DDX3X: variants seen among roughly 807,000 people sequenced by gnomAD.
The protein encoded by DDX3X is ATP-dependent RNA helicase DDX3X.
DDX3X carries 4 observed loss-of-function variants against 52.7 expected under a neutral mutation model. That is an observed-to-expected ratio of 0.08 (90% CI 0.04 to 0.17). DDX3X has a LOEUF of 0.17. DDX3X is among the 10% of genes least tolerant of loss of function. The pLI is 1.00. For synonymous variants in DDX3X, 192 were observed against 178.1 expected, an observed-to-expected ratio of 1.08 and a Z score of -0.62; for missense variants, 222 against 548.6, an observed-to-expected ratio of 0.40 and a Z score of 5.95.
chrX:41,334,509 G>C (rs1050896043), intron 1 of DDX3X: 13 of 1,096,542 alleles, frequency 1.2e-5, no homozygotes, highest in Non-Finnish European at 1.4e-5. Flanking sequence ...ATTGTCCCCG[G>C]GACGAGCACA....
intron 3 of DDX3X, chrX:41,340,196 A>ACC (rs60494901): frequency 8.9e-6 from 1 of 112,383 alleles, no homozygotes; most frequent in African/African-American, 3.2e-5. Context: ...GGCGTGAGCC[A>ACC]CCATGCCTGG....
At chrX:41,334,152 G>A (rs1211078953), upstream of DDX3X, 4 of 879,860 alleles carry the variant, frequency 4.5e-6, no homozygotes, top group South Asian at 2.3e-5. Context: ...GTGGCCGCGC[G>A]GTGCGCTCCA....
rs1355677530 is a variant in DDX3X, at chrX:41,348,747, A to G, written c.*1028A>G. 1.8e-5 allele frequency: 2 copies of G among 112,180 alleles called. No homozygotes were observed. Among genetic ancestry groups the G allele is most frequent in the Non-Finnish European group, 3.8e-5 (2 of 53,191 alleles). 9.2% of individuals were successfully genotyped at this position (112,180 alleles called of 1,213,427 possible). On this transcript the variant is annotated 3_prime_UTR_variant, in exon 17 of 17. Transcript: ENST00000644876. ...AAGAGGGTATGAACAGGAAGAATTA[A>G]ATGCAGCAGGCTTTATTTTAAATGC...
downstream of DDX3X, among the ~76,000 whole-genome samples, chrX:41,354,823 T>C: frequency 3.0e-5 from 1 of 32,864 alleles, no homozygotes; most frequent in African/African-American, 2.3e-4. Flanking sequence ...GTAAATAGTT[T>C]TGTTGTTGTT....
chrX:41,344,184 T>C (rs910542744), intron 9 of DDX3X, 55 bp from the exon 10 acceptor site: 2 of 1,189,830 alleles, frequency 1.7e-6, no homozygotes, highest in East Asian at 3.0e-5. Context: ...TTAAATGTTT[T>C]ATGAACATGT....
At chrX:41,353,297 CAAAAAA>C (rs61067509), downstream of DDX3X, among the ~76,000 whole-genome samples, 4 of 46,038 alleles carry the variant, frequency 8.7e-5, no homozygotes, top group African/African-American at 2.7e-4. Flanking sequence ...ACTAAAAATA[CAAAAAA>C]AAAAAAAAAA....
downstream of DDX3X, among the ~76,000 whole-genome samples, chrX:41,352,984 C>T (rs1309788049): frequency 6.3e-5 from 7 of 111,721 alleles, no homozygotes; most frequent in Non-Finnish European, 1.3e-4. Flanking sequence ...CATTCTATTA[C>T]GTGGCCCCTA....
In DDX3X at chrX:41,350,130, T is replaced by C. The variant is rs1053597919; in HGVS notation, c.*2411T>C. Reference sequence around the variant, plus strand: ...TCACTGTAGCTTTAGTAATTGCTTATTGTATTAGTTTAGATGCTAGCACTG... The same window carrying C: ...TCACTGTAGCTTTAGTAATTGCTTACTGTATTAGTTTAGATGCTAGCACTG... On this transcript the variant is annotated 3_prime_UTR_variant, in exon 17 of 17. Transcript: ENST00000644876. 2 of 112,459 alleles carry C rather than the reference T, an allele frequency of 1.8e-5. No individual in the cohort carries two copies. The highest frequency in any genetic ancestry group is 1.9e-4 in the Admixed American group (2 of 10,515). 9.3% of individuals were successfully genotyped at this position (112,459 alleles called of 1,213,427 possible). A position where few individuals can be genotyped will look rare whatever the true frequency, so the allele number is the denominator to read the frequency against.
At chrX:41,344,564 G>T (rs1206078159) in intron 10 of DDX3X, 165 bp downstream of exon 10, 1 of 588,447 alleles carries the variant, frequency 1.7e-6, no homozygotes. Flanking sequence ...CAGCCTCCCA[G>T]GTAGCTGGGA....
chrX:41,355,718 A>G (rs570226123), intron 5 of DDX3X, among the ~76,000 whole-genome samples: 6 of 100,074 alleles, frequency 6.0e-5, no homozygotes, highest in African/African-American at 2.2e-4. Flanking sequence ...GGCTCAAGTG[A>G]TCCTCCCATC....
chrX:41,337,241 T>C (rs1246840942), intron 1 of DDX3X, among the ~76,000 whole-genome samples, 167 bp from the exon 2 acceptor site: 1 of 112,718 alleles, frequency 8.9e-6, no homozygotes, highest in African/African-American at 3.2e-5. Flanking sequence ...CATTGCAGAC[T>C]TGAAAACATT....
rs1458715097 is a variant in DDX3X at position 41,346,235 on chromosome X, A to G, written c.1322A>G (p.Asp441Gly). ...LLDLLNATGK[D>G]SLTLVFVETK... ...TATAATTTTTCAACGACAGGCAAGG[A>G]TTCACTGACCTTAGTGTTTGTGGAG... Residue 441 changes from aspartate (D) to glycine (G), a missense_variant, in exon 13 of 17, where the codon GAT (aspartate) becomes GGT (glycine). Asp to Gly is a moderately conservative substitution (Grantham distance 94). Coordinates refer to ENST00000644876, the MANE Select transcript of DDX3X (RefSeq NM_001356.5). The G allele has an allele frequency of 8.3e-7, 1 of 1,202,575 alleles. No homozygotes were observed. The highest frequency in any genetic ancestry group is 1.7e-5 in the African/African-American group (1 of 57,323).
rs1419423041 is a variant in DDX3X at position 41,348,008 on chromosome X, C to T, written c.*289C>T. Reference sequence around the variant, plus strand: ...CATTTATAATTTTGTGACTGAGGATCATTTGTTTGTTAATGTACTGTGCCT... The same window carrying T: ...CATTTATAATTTTGTGACTGAGGATTATTTGTTTGTTAATGTACTGTGCCT... On this transcript the variant is annotated 3_prime_UTR_variant, in exon 17 of 17. Coordinates refer to ENST00000644876, the MANE Select transcript of DDX3X (RefSeq NM_001356.5). 3 of 335,847 alleles carry T rather than the reference C, an allele frequency of 8.9e-6. No individual in the cohort carries two copies. The Admixed American group carries it at 1.7e-4, about 19-fold the overall frequency. 27.7% of individuals were successfully genotyped at this position (335,847 alleles called of 1,213,427 possible).
At chrX:41,342,892 A>G in intron 6 of DDX3X, 56 bp downstream of exon 6, 1 of 984,395 alleles carries the variant, frequency 1.0e-6, no homozygotes, top group South Asian at 2.0e-5. Context: ...TTTTCATGTT[A>G]CATTAGAATG....
intron 5 of DDX3X, among the ~76,000 whole-genome samples, chrX:41,356,929 C>CTTTTTT (rs35577255): frequency 2.3e-4 from 13 of 55,909 alleles, no homozygotes; most frequent in Non-Finnish European, 3.0e-4. Context: ...CACACTAATT[C>CTTTTTT]TTTTTTTTTT....
At chrX:41,356,191 G>A (rs2064008219) in intron 5 of DDX3X, among the ~76,000 whole-genome samples, 1 of 96,866 alleles carries the variant, frequency 1.0e-5, no homozygotes, top group African/African-American at 4.0e-5. Context: ...CCAGGCTGAA[G>A]TGCAGTGGTG....
Position 41,341,601 on chromosome X carries a change from G to A in DDX3X, c.269G>A (p.Ser90Asn), listed in dbSNP as rs2063851565. 1 of 1,210,880 alleles carries A rather than the reference G, an allele frequency of 8.3e-7. No homozygotes were observed. Among genetic ancestry groups the A allele is most frequent in the Admixed American group, 2.2e-5 (1 of 45,973 alleles). Residue 90 changes from serine (S) to asparagine (N), a missense_variant, in exon 4 of 17, where the codon AGT (serine) becomes AAT (asparagine). Ser to Asn is a conservative substitution (Grantham distance 46). Around this residue, in one of 5 missense-constraint regions of DDX3X, gnomAD observed 93 missense variants for 123.7 expected, o/e 0.75. Coordinates refer to ENST00000644876, the MANE Select transcript of DDX3X (RefSeq NM_001356.5). ...TCTAGCTTCTTCAGTGATCGTGGAA[G>A]TGGATCAAGGGGAAGGTAAGTGATT... Reference protein sequence around the residue: ...GKSSFFSDRGSGSRGRFDDRG... With the variant: ...GKSSFFSDRGNGSRGRFDDRG...
In DDX3X at chrX:41,344,013, A is replaced by T; in HGVS notation, c.766-17A>T. 3.4e-6 allele frequency: 4 copies of T among 1,175,715 alleles called. No homozygotes were observed. The highest frequency in any genetic ancestry group is 4.6e-6 in the Non-Finnish European group (4 of 872,667). ...CAGGGTAGGTAGAGTTAACTTAAAAATTAACTTATTTCTTAGGAAAATGGA... is the reference window on the plus strand; with the variant it reads ...CAGGGTAGGTAGAGTTAACTTAAAATTTAACTTATTTCTTAGGAAAATGGA... On this transcript the variant is annotated splice_polypyrimidine_tract_variant and intron_variant, in intron 8 of 16. Transcript: ENST00000644876.
At chrX:41,337,712 C>T (rs944722747) in intron 2 of DDX3X, 12 of 255,824 alleles carry the variant, frequency 4.7e-5, no homozygotes, top group Non-Finnish European at 7.9e-5. Context: ...ATGGTGTGAT[C>T]TCGGCTCACC....
Sources: allele counts gnomAD v4.1 joint callset (sites outside exome capture counted in the v4.1 genomes callset), GRCh38; gene constraint gnomAD v4.1.1; regional missense constraint gnomAD v4.1.1; transcripts MANE v1.5; gene names NCBI Gene and HGNC (gene_info 2026-07-23, HGNC 2026-07-21).